BICD1: variants seen among roughly 807,000 people sequenced by gnomAD.
BICD1 encodes BICD cargo adaptor 1.
Under a neutral mutation model 92.5 loss-of-function variants are expected in BICD1, and 35 were observed. That is an observed-to-expected ratio of 0.38 (90% CI 0.29 to 0.50). The LOEUF is 0.50. Among genes scored for constraint, BICD1 ranks in the 20% least tolerant of loss-of-function variants. The pLI, the probability that BICD1 is intolerant of heterozygous loss-of-function variation, is 0.93. For synonymous variants in BICD1, 429 were observed against 465.1 expected (o/e 0.92, Z 1.00); for missense variants, 950 against 1,189.8 (o/e 0.80, Z 2.97).
At chr12:32,279,245 T>C (rs1482339663) in intron 2 of BICD1, among the ~76,000 whole-genome samples, 1 of 152,206 alleles carries the variant, frequency 6.6e-6, no homozygotes, top group Non-Finnish European at 1.5e-5. Context: ...GGCAGTGACC[T>C]TCCCTAAAAG....
chr12:32,116,046 A>G (rs1215168340), intron 1 of BICD1, among the ~76,000 whole-genome samples: 1 of 152,198 alleles, frequency 6.6e-6, no homozygotes, highest in Non-Finnish European at 1.5e-5. Context: ...CAAAAGAGGA[A>G]AATGTTCAGT....
At chr12:32,221,084 G>C (rs977602779) in intron 2 of BICD1, among the ~76,000 whole-genome samples, 3 of 134,946 alleles carry the variant, frequency 2.2e-5, no homozygotes, top group Non-Finnish European at 4.7e-5. Flanking sequence ...TCACACTCTG[G>C]GGACTGTTGT....
intron 2 of BICD1, among the ~76,000 whole-genome samples, chr12:32,260,729 G>A (rs1247560690): frequency 6.6e-6 from 1 of 151,074 alleles, no homozygotes; most frequent in Non-Finnish European, 1.5e-5. Flanking sequence ...AAACATGGTT[G>A]TCTATCATGT....
At chr12:32,335,781 C>T (rs1938093602) in intron 6 of BICD1, among the ~76,000 whole-genome samples, 1 of 151,280 alleles carries the variant, frequency 6.6e-6, no homozygotes, top group Admixed American at 6.6e-5. Context: ...GGCAGGGTCT[C>T]GCCATGTTGC....
chr12:32,151,142 A>C (rs1161523094), intron 1 of BICD1, among the ~76,000 whole-genome samples: 1 of 152,160 alleles, frequency 6.6e-6, no homozygotes, highest in Non-Finnish European at 1.5e-5. Context: ...AAGAATACTG[A>C]GATTTATATG....
rs991405590 is a variant in BICD1, at chr12:32,281,699, C to CT, written c.427-12285dup. ...TATATGGGCCTGCTTTGTAGATATC[C>CT]TTTTTTTTTTCAATCTATGAACTCA... On this transcript the variant is annotated intron_variant, in intron 2 of 9. Transcript: ENST00000652176. 1.9e-3 allele frequency among the ~76,000 whole-genome samples: 278 copies of CT among 149,088 alleles called. 1 individual carries two copies. Among genetic ancestry groups the CT allele is most frequent in the African/African-American group, 6.2e-3 (252 of 40,628 alleles).
chr12:32,193,792 AC>A (rs1187681731), intron 1 of BICD1, among the ~76,000 whole-genome samples: 1 of 152,196 alleles, frequency 6.6e-6, no homozygotes, highest in African/African-American at 2.4e-5. Flanking sequence ...AAGAATTAAC[AC>A]CAATCCTTCT....
chr12:32,146,310 G>C (rs1943101398), intron 1 of BICD1, among the ~76,000 whole-genome samples: 1 of 152,238 alleles, frequency 6.6e-6, no homozygotes, highest in African/African-American at 2.4e-5. Context: ...GGGGAAGCAG[G>C]TGGATGGTGA....
At chr12:32,201,646 A>C (rs1001321828) in intron 1 of BICD1, among the ~76,000 whole-genome samples, 1 of 152,182 alleles carries the variant, frequency 6.6e-6, no homozygotes, top group Non-Finnish European at 1.5e-5. Context: ...CCTTTTATTT[A>C]CATTTTAATG....
At chr12:32,251,627 A>C (rs910870576) in intron 2 of BICD1, among the ~76,000 whole-genome samples, 5 of 152,302 alleles carry the variant, frequency 3.3e-5, no homozygotes, top group African/African-American at 1.2e-4. Flanking sequence ...ATATACAGCT[A>C]CATACTGTTC....
intron 4 of BICD1, among the ~76,000 whole-genome samples, chr12:32,318,853 TG>T (rs1948575379): frequency 6.6e-6 from 1 of 151,988 alleles, no homozygotes; most frequent in Admixed American, 6.5e-5. Context: ...AAACTCCATC[TG>T]AAAAAAAAAT....
chr12:32,222,011 T>C lies in BICD1; in HGVS notation c.426+5552T>C, dbSNP rs1452643501. On this transcript the variant is annotated intron_variant, in intron 2 of 9. Transcript: ENST00000652176. ...TGGGTAATATTTACTTTTATACTTATTTATACTAAACTAAACTAAAATCCA... is the reference window on the plus strand; with the variant it reads ...TGGGTAATATTTACTTTTATACTTACTTATACTAAACTAAACTAAAATCCA... 2.6e-5 allele frequency among the ~76,000 whole-genome samples: 4 copies of C among 152,224 alleles called. No individual in the cohort carries two copies. The East Asian group carries it at 5.8e-4, about 22-fold the overall frequency.
At chr12:32,233,120 G>C (rs1439235646) in intron 2 of BICD1, among the ~76,000 whole-genome samples, 1 of 151,952 alleles carries the variant, frequency 6.6e-6, no homozygotes, top group Non-Finnish European at 1.5e-5. Flanking sequence ...TCAAGAATTC[G>C]AGACCAGCCT....
chr12:32,117,680 T>C (rs1030989712), intron 1 of BICD1, among the ~76,000 whole-genome samples: 2 of 80,670 alleles, frequency 2.5e-5, no homozygotes, highest in African/African-American at 8.4e-5. Context: ...TTACGCTTAG[T>C]CATATATATA....
chr12:32,265,046 G>C (rs1219554121), intron 2 of BICD1, among the ~76,000 whole-genome samples: 1 of 152,000 alleles, frequency 6.6e-6, no homozygotes, highest in African/African-American at 2.4e-5. Context: ...ACTTCCAGCT[G>C]CCTTAGCCTT....
intron 1 of BICD1, among the ~76,000 whole-genome samples, chr12:32,177,370 A>T (rs1944124388): frequency 6.6e-6 from 1 of 150,926 alleles, no homozygotes; most frequent in African/African-American, 2.4e-5. Flanking sequence ...TTTCTAAATT[A>T]TTATACAATT....
chr12:32,327,671 T>C lies in BICD1; in HGVS notation c.1216T>C (p.Tyr406His). The change falls in exon 5 of 10, where the codon TAT (tyrosine) becomes CAT (histidine). Residue 406 changes from tyrosine to histidine, a missense_variant. Tyr to His is a moderately conservative substitution (Grantham distance 83). Around this residue, in one of 5 missense-constraint regions of BICD1, gnomAD observed 246 missense variants for 258.4 expected, o/e 0.95. Transcript: ENST00000652176. ...GGACTCAGGGGAGGAGGCCCATGACTATGAGGTGGACATCAATGGTTTAGA... is the reference window on the plus strand; with the variant it reads ...GGACTCAGGGGAGGAGGCCCATGACCATGAGGTGGACATCAATGGTTTAGA... ...GRDSGEEAHD[Y>H]EVDINGLEIL... 1 of 1,614,044 alleles carries C rather than the reference T, an allele frequency of 6.2e-7. No individual in the cohort carries two copies.
At chr12:32,163,157 A>C (rs1001460798) in intron 1 of BICD1, among the ~76,000 whole-genome samples, 38 of 152,038 alleles carry the variant, frequency 2.5e-4, no homozygotes, top group African/African-American at 9.2e-4. Flanking sequence ...CTTGCTTTTT[A>C]TTAGCTCCAC....
intron 7 of BICD1, chr12:32,338,445 A>T (rs1186158009): frequency 5.0e-6 from 1 of 201,132 alleles, no homozygotes; most frequent in Non-Finnish European, 9.7e-6. Flanking sequence ...TAGGGGCTTG[A>T]TTTTGTGAGT....
Sources: allele counts gnomAD v4.1 joint callset (sites outside exome capture counted in the v4.1 genomes callset), GRCh38; gene constraint gnomAD v4.1.1; regional missense constraint gnomAD v4.1.1; transcripts MANE v1.5; gene names NCBI Gene and HGNC (gene_info 2026-07-23, HGNC 2026-07-21).